Variants in AUTS2 observed in about 807,000 individuals in gnomAD.
AUTS2 encodes activator of transcription and developmental regulator AUTS2.
In AUTS2, 17 loss-of-function variants were observed where a neutral mutation model predicts 112.4. That is an observed-to-expected ratio of 0.15 (90% CI 0.10 to 0.23). AUTS2 has a LOEUF of 0.23. AUTS2 is among the 10% of genes least tolerant of loss of function. AUTS2 has a pLI of 1.00. For missense variants in AUTS2, 1,510 were observed against 1,701.6 expected, an observed-to-expected ratio of 0.89 and a Z score of 1.98; for synonymous variants, 751 against 702.7, an observed-to-expected ratio of 1.07 and a Z score of -1.09.
intron 12 of AUTS2, 124 bp from the exon 13 acceptor site, chr7:70,775,233 C>T (rs1256797910): frequency 1.2e-6 from 1 of 848,756 alleles, no homozygotes; most frequent in Non-Finnish European, 1.9e-6. Context: ...TCTAAAAGGG[C>T]TTCATTTAAA....
intron 2 of AUTS2, among the ~76,000 whole-genome samples, chr7:70,003,312 AAT>A (rs1445190189): frequency 7.6e-6 from 1 of 131,822 alleles, no homozygotes; most frequent in African/African-American, 2.8e-5. Context: ...ATTATATATG[AAT>A]ATATATAACA....
intron 2 of AUTS2, among the ~76,000 whole-genome samples, chr7:69,998,817 G>A (rs1799062324): frequency 6.6e-6 from 1 of 152,144 alleles, no homozygotes; most frequent in African/African-American, 2.4e-5. Context: ...ACCATATTTG[G>A]GGAATGGTAA....
intron 1 of AUTS2, among the ~76,000 whole-genome samples, chr7:69,648,596 C>T (rs1795148038): frequency 6.6e-6 from 1 of 151,620 alleles, no homozygotes; most frequent in Non-Finnish European, 1.5e-5. Context: ...TGTAGTAGAA[C>T]AGTCTTTGGC....
At chr7:70,639,015 G>C (rs1031237381) in intron 5 of AUTS2, among the ~76,000 whole-genome samples, 13 of 152,150 alleles carry the variant, frequency 8.5e-5, no homozygotes, top group Admixed American at 2.6e-4. Context: ...CTACTTCCAG[G>C]GGGGTGAATG....
chr7:70,483,922 A>G (rs1797885653), intron 5 of AUTS2, among the ~76,000 whole-genome samples: 1 of 152,214 alleles, frequency 6.6e-6, no homozygotes, highest in Admixed American at 6.5e-5. Context: ...GTATATGATA[A>G]TGTATCCTTT....
chr7:69,722,754 G>A (rs1799030744), intron 1 of AUTS2, among the ~76,000 whole-genome samples: 2 of 152,026 alleles, frequency 1.3e-5, no homozygotes, highest in African/African-American at 4.8e-5. Context: ...GCAGAACAAA[G>A]TATGCTGCTT....
chr7:70,269,447 G>A (rs973279761), intron 4 of AUTS2, among the ~76,000 whole-genome samples: 1 of 152,178 alleles, frequency 6.6e-6, no homozygotes, highest in African/African-American at 2.4e-5. Context: ...GGTGCCACAT[G>A]TAAGGACCCA....
chr7:70,037,055 G>A (rs1801037687), intron 2 of AUTS2, among the ~76,000 whole-genome samples: 1 of 152,126 alleles, frequency 6.6e-6, no homozygotes. Flanking sequence ...GGAATATTAT[G>A]CAGCTTTTCA....
intron 2 of AUTS2, among the ~76,000 whole-genome samples, chr7:69,977,616 T>G (rs1032812925): frequency 2.6e-5 from 4 of 152,222 alleles, no homozygotes; most frequent in Non-Finnish European, 5.9e-5. Flanking sequence ...TGTAGCTCTT[T>G]TATTTCAGCA....
In AUTS2 at chr7:70,174,338, A is replaced by G. The variant is rs564076114; in HGVS notation, c.660+39767A>G. On this transcript the variant is annotated intron_variant, in intron 4 of 18. Transcript: ENST00000342771. ...TGCAGAAGAAAAGCTGGAAGCTATC[A>G]GAGTGTGGTTTAAGAGGTTTAAGGA... Among the ~76,000 whole-genome samples the G allele has an allele frequency of 4.6e-5, 7 of 152,364 alleles. No homozygotes were observed. In the East Asian group the frequency reaches 1.3e-3, roughly 29 times the overall value.
chr7:69,855,062 T>G (rs1411057580), intron 1 of AUTS2, among the ~76,000 whole-genome samples: 1 of 152,212 alleles, frequency 6.6e-6, no homozygotes, highest in East Asian at 1.9e-4. Flanking sequence ...GTTTTGAGAT[T>G]GGTGAAAATC....
At chr7:69,842,314 A>G (rs1792016306) in intron 1 of AUTS2, among the ~76,000 whole-genome samples, 1 of 152,214 alleles carries the variant, frequency 6.6e-6, no homozygotes. Context: ...TTTTATAAGG[A>G]ACATGTGACC....
At chr7:70,318,548 G>A (rs1790107572) in intron 4 of AUTS2, among the ~76,000 whole-genome samples, 1 of 152,116 alleles carries the variant, frequency 6.6e-6, no homozygotes, top group Admixed American at 6.6e-5. Flanking sequence ...ATATCAGGTT[G>A]ATTGAATAGA....
At chr7:69,988,820 A>G (rs1429926974) in intron 2 of AUTS2, among the ~76,000 whole-genome samples, 1 of 152,172 alleles carries the variant, frequency 6.6e-6, no homozygotes, top group Non-Finnish European at 1.5e-5. Flanking sequence ...CGTGGGAGTG[A>G]TAATACATTA....
intron 2 of AUTS2, among the ~76,000 whole-genome samples, chr7:70,084,244 A>G (rs760916158): frequency 1.3e-5 from 2 of 152,020 alleles, no homozygotes; most frequent in Non-Finnish European, 2.9e-5. Flanking sequence ...GCTTATCCAC[A>G]TTGTGCTGTA....
At chr7:69,720,741 C>T (rs888272117) in intron 1 of AUTS2, among the ~76,000 whole-genome samples, 2 of 152,062 alleles carry the variant, frequency 1.3e-5, no homozygotes, top group African/African-American at 4.8e-5. Flanking sequence ...GGAAATTCTG[C>T]CTAAGAAGTC....
At chr7:69,930,819 AC>A (rs1796198648) in intron 2 of AUTS2, among the ~76,000 whole-genome samples, 1 of 152,114 alleles carries the variant, frequency 6.6e-6, no homozygotes. Context: ...CTTTAGGTAA[AC>A]ATCATCATTA....
At chr7:69,653,635 T>C (rs1795387103) in intron 1 of AUTS2, among the ~76,000 whole-genome samples, 1 of 151,462 alleles carries the variant, frequency 6.6e-6, no homozygotes, top group African/African-American at 2.4e-5. Context: ...ATAATGGTGG[T>C]GGGTTTGGTT....
At chr7:70,580,668 G>C (rs539187568) in intron 5 of AUTS2, among the ~76,000 whole-genome samples, 2 of 152,286 alleles carry the variant, frequency 1.3e-5, no homozygotes, top group Admixed American at 1.3e-4. Context: ...TGCAGGGAGA[G>C]TCAGGTTATT....
Sources: allele counts gnomAD v4.1 joint callset (sites outside exome capture counted in the v4.1 genomes callset), GRCh38; gene constraint gnomAD v4.1.1; transcripts MANE v1.5; gene names NCBI Gene and HGNC (gene_info 2026-07-23, HGNC 2026-07-21).